Variants in LRRC37A2 observed in about 807,000 individuals in gnomAD.
The protein encoded by LRRC37A2 is leucine rich repeat containing 37 member A2, also known as leucine-rich repeat-containing protein 37A2.
A neutral mutation model predicts 68.8 loss-of-function variants in LRRC37A2; 9 were observed. The ratio of observed to expected loss-of-function variants is 0.13; its 90% confidence interval spans 0.08 to 0.23. The LOEUF is 0.23. LRRC37A2 is among the 10% of genes least tolerant of loss of function. LRRC37A2 has a pLI of 1.00. For synonymous variants in LRRC37A2, 63 were observed against 367.6 expected (o/e 0.17, Z 9.48); for missense variants, 168 against 950.4 (o/e 0.18, Z 10.82).
chr17:46,875,328 G>A, the LRRC37A2 span: 1 of 1,612,564 alleles, frequency 6.2e-7, no homozygotes, highest in Non-Finnish European at 8.5e-7. Flanking sequence ...GGACCTGCGG[G>A]CACGGGCAGA....
the LRRC37A2 span, among the ~76,000 whole-genome samples, chr17:46,569,109 AT>A: frequency 1.3e-5 from 2 of 149,086 alleles, no homozygotes; most frequent in Non-Finnish European, 3.0e-5. Context: ...AGCCTGGCTA[AT>A]TTTTTTTGCA....
At chr17:47,014,555 G>A in the LRRC37A2 span, among the ~76,000 whole-genome samples, 1 of 151,744 alleles carries the variant, frequency 6.6e-6, no homozygotes, top group Non-Finnish European at 1.5e-5. Context: ...GGTATTTCTG[G>A]GGCTTTTCCT....
the LRRC37A2 span, chr17:47,010,825 G>A: frequency 1.3e-5 from 2 of 152,276 alleles, no homozygotes; most frequent in Non-Finnish European, 2.9e-5. Context: ...TCTTCCTTGA[G>A]AAAACCCCGA....
At chr17:46,831,814 C>T in the LRRC37A2 span, among the ~76,000 whole-genome samples, 1 of 152,248 alleles carries the variant, frequency 6.6e-6, no homozygotes, top group Non-Finnish European at 1.5e-5. Context: ...CTCAGTGTCC[C>T]TGCAGGTTGA....
chr17:46,888,569 G>A, the LRRC37A2 span, among the ~76,000 whole-genome samples: 2 of 152,102 alleles, frequency 1.3e-5, no homozygotes, highest in African/African-American at 4.8e-5. Flanking sequence ...GGTACAGGAG[G>A]GCAGAAAGAA....
the LRRC37A2 span, chr17:47,017,766 C>T: frequency 6.2e-7 from 1 of 1,610,518 alleles, no homozygotes; most frequent in Non-Finnish European, 8.5e-7. Flanking sequence ...TACACCGTAT[C>T]CCGGTAGCCT....
chr17:47,038,622 C>T, the LRRC37A2 span, among the ~76,000 whole-genome samples: 1 of 135,240 alleles, frequency 7.4e-6, no homozygotes, highest in African/African-American at 2.7e-5. Flanking sequence ...GTTATTGTCA[C>T]ACATTACATC....
chr17:46,900,168 CATATATATATATATATATAT>C, the LRRC37A2 span, among the ~76,000 whole-genome samples: 1 of 64,060 alleles, frequency 1.6e-5, no homozygotes, highest in East Asian at 5.1e-4. Flanking sequence ...TATACATATA[CATATATATATATATATATAT>C]ATATATATAT....
At chr17:46,958,770 G>A in the LRRC37A2 span, among the ~76,000 whole-genome samples, 3 of 152,244 alleles carry the variant, frequency 2.0e-5, no homozygotes, top group African/African-American at 7.2e-5. Context: ...GGACATTTAA[G>A]TCTGCCTGAA....
chr17:46,765,766 T>C, the LRRC37A2 span, among the ~76,000 whole-genome samples: 12 of 152,232 alleles, frequency 7.9e-5, no homozygotes, highest in Non-Finnish European at 4.4e-5. Context: ...GGCTGCCCTG[T>C]GAGCAGCTGG....
chr17:46,500,576 A>G, the LRRC37A2 span, among the ~76,000 whole-genome samples: 1 of 150,678 alleles, frequency 6.6e-6, no homozygotes, highest in Admixed American at 6.6e-5. Context: ...AAATCACCTG[A>G]AGATTGTGAG....
At chr17:46,869,104 T>G in the LRRC37A2 span, among the ~76,000 whole-genome samples, 2 of 152,160 alleles carry the variant, frequency 1.3e-5, no homozygotes, top group Non-Finnish European at 2.9e-5. Flanking sequence ...CCAGGGAGCC[T>G]TCTTTGAGAG....
chr17:46,704,507 CTTCT>C, the LRRC37A2 span, among the ~76,000 whole-genome samples: 1 of 127,556 alleles, frequency 7.8e-6, no homozygotes, highest in African/African-American at 3.1e-5. Context: ...ATTTGTATAT[CTTCT>C]TTGGAGAAAT....
the LRRC37A2 span, among the ~76,000 whole-genome samples, chr17:46,915,571 C>T: frequency 1.3e-5 from 2 of 152,342 alleles, no homozygotes; most frequent in African/African-American, 4.8e-5. Flanking sequence ...ACAATTTGCC[C>T]TAAGACCTAG....
chr17:46,938,895 T>G, the LRRC37A2 span: 2 of 1,540,034 alleles, frequency 1.3e-6, no homozygotes, highest in South Asian at 1.2e-5. Flanking sequence ...TGGGAGTGAT[T>G]GTGGTCTAAT....
the LRRC37A2 span, among the ~76,000 whole-genome samples, chr17:46,979,659 C>A: frequency 6.6e-6 from 1 of 152,170 alleles, no homozygotes; most frequent in African/African-American, 2.4e-5. Flanking sequence ...GTCTCCTGGG[C>A]GGTCCTGCCT....
the LRRC37A2 span, among the ~76,000 whole-genome samples, chr17:46,708,364 T>C: frequency 3.9e-5 from 6 of 152,166 alleles, no homozygotes; most frequent in Non-Finnish European, 5.9e-5. Context: ...TTATTTTCTG[T>C]TTTTTTGGTA....
the LRRC37A2 span, among the ~76,000 whole-genome samples, chr17:46,865,623 T>C: frequency 6.6e-6 from 1 of 151,916 alleles, no homozygotes; most frequent in Non-Finnish European, 1.5e-5. Context: ...GAAAAGTCCT[T>C]TTTGGTGTGT....
At chr17:46,878,965 T>C in the LRRC37A2 span, among the ~76,000 whole-genome samples, 15 of 152,160 alleles carry the variant, frequency 9.9e-5, no homozygotes, top group African/African-American at 1.7e-4. Context: ...CATCCCTTTC[T>C]TTTCCAGTTA....
Sources: allele counts gnomAD v4.1 joint callset (sites outside exome capture counted in the v4.1 genomes callset), GRCh38; gene constraint gnomAD v4.1.1; transcripts MANE v1.5; gene names NCBI Gene and HGNC (gene_info 2026-07-23, HGNC 2026-07-21).